The following CTNNBIP1 variants were observed in gnomAD, a reference collection of about 807,000 sequenced individuals.
CTNNBIP1 encodes beta-catenin-interacting protein 1.
Under a neutral mutation model 11.8 loss-of-function variants are expected in CTNNBIP1, and 7 were observed. The ratio of observed to expected loss-of-function variants is 0.60; its 90% CI spans 0.34 to 1.12. CTNNBIP1 has a LOEUF of 1.12. Ranked by LOEUF, CTNNBIP1 falls within the 50% of genes most tolerant of loss-of-function variation. CTNNBIP1 has a pLI of 0.03. For synonymous variants in CTNNBIP1, 58 were observed against 43.9 expected (o/e 1.32, Z -1.26); for missense variants, 101 against 113.4 (o/e 0.89, Z 0.50).
intron 2 of CTNNBIP1, among the ~76,000 whole-genome samples, chr1:9,878,909 G>A (rs751679413): frequency 1.3e-5 from 2 of 152,284 alleles, no homozygotes; most frequent in Middle Eastern, 3.4e-3. Flanking sequence ...TAAAAGGTGC[G>A]TAATTTTGCC....
chr1:9,866,845 A>AT (rs1638757422), intron 5 of CTNNBIP1, among the ~76,000 whole-genome samples: 1 of 152,062 alleles, frequency 6.6e-6, no homozygotes, highest in Non-Finnish European at 1.5e-5. Context: ...ATATGGGCTC[A>AT]GTCCAAGAGG....
At chr1:9,875,044 A>T (rs1638936683) in intron 3 of CTNNBIP1, among the ~76,000 whole-genome samples, 2 of 152,158 alleles carry the variant, frequency 1.3e-5, no homozygotes, top group South Asian at 4.1e-4. Flanking sequence ...GGACCTGGCC[A>T]CTAGGTGTCG....
At chr1:9,894,347 A>C (rs1639366088) in intron 1 of CTNNBIP1, among the ~76,000 whole-genome samples, 1 of 152,072 alleles carries the variant, frequency 6.6e-6, no homozygotes, top group African/African-American at 2.4e-5. Context: ...ACCCCAAGGA[A>C]TTCTTGTTTG....
At chr1:9,892,467 C>T (rs1313941419) in intron 1 of CTNNBIP1, among the ~76,000 whole-genome samples, 1 of 150,808 alleles carries the variant, frequency 6.6e-6, no homozygotes, top group Non-Finnish European at 1.5e-5. Context: ...GTGGCTTGCA[C>T]CTGTAGGCCC....
chr1:9,853,028 G>A (rs992989938), intron 5 of CTNNBIP1, among the ~76,000 whole-genome samples: 1 of 152,176 alleles, frequency 6.6e-6, no homozygotes, highest in Admixed American at 6.5e-5. Flanking sequence ...GGACTCTGAT[G>A]GCTATTTAAC....
chr1:9,869,010 A>T (rs1044095572), intron 5 of CTNNBIP1, among the ~76,000 whole-genome samples: 11 of 150,480 alleles, frequency 7.3e-5, no homozygotes, highest in African/African-American at 2.4e-4. Flanking sequence ...AAAATTTTTT[A>T]AATTTATGAG....
At chr1:9,897,250 C>T (rs562355927) in intron 1 of CTNNBIP1, among the ~76,000 whole-genome samples, 5 of 151,852 alleles carry the variant, frequency 3.3e-5, no homozygotes, top group East Asian at 2.0e-4. Flanking sequence ...GTCAGGAGAT[C>T]GAGACCATCC....
chr1:9,899,455 C>CAAAAAA (rs754593503), intron 1 of CTNNBIP1, among the ~76,000 whole-genome samples: 1 of 65,698 alleles, frequency 1.5e-5, no homozygotes, highest in Non-Finnish European at 3.5e-5. Flanking sequence ...GACTCCATCT[C>CAAAAAA]AAAAAAAAAA....
chr1:9,880,851 T>C (rs904199702), intron 2 of CTNNBIP1, among the ~76,000 whole-genome samples: 1 of 152,158 alleles, frequency 6.6e-6, no homozygotes, highest in South Asian at 2.1e-4. Flanking sequence ...CAGTGATTGC[T>C]CTTCTGTGCA....
intron 1 of CTNNBIP1, among the ~76,000 whole-genome samples, chr1:9,907,414 G>C (rs1315256895): frequency 6.6e-6 from 1 of 152,018 alleles, no homozygotes; most frequent in Non-Finnish European, 1.5e-5. Flanking sequence ...CAGGTGATCC[G>C]CCCGCCTTGG....
In CTNNBIP1 at chr1:9,848,895, T is replaced by C. The variant is rs559367859; in HGVS notation, c.*1823A>G. ...CACAGCACGAACCACCTACCCACCA[T>C]GGGGCTCTCCAGGGCTCGGTCATTT... On this transcript the variant is annotated 3_prime_UTR_variant, in exon 6 of 6. Coordinates refer to ENST00000377263, the MANE Select transcript of CTNNBIP1 (RefSeq NM_020248.3). The surrounding 1 kb of genome is among the most constrained non-coding windows in gnomAD (Gnocchi z 4.3). 1.3e-5 allele frequency: 2 copies of C among 152,264 alleles called. No homozygotes were observed. The highest frequency in any genetic ancestry group is 2.9e-5 in the Non-Finnish European group (2 of 68,112). 9.4% of individuals were successfully genotyped at this position (152,264 alleles called of 1,614,324 possible).
intron 5 of CTNNBIP1, among the ~76,000 whole-genome samples, chr1:9,852,744 T>C (rs1638418417): frequency 6.6e-6 from 1 of 152,202 alleles, no homozygotes; most frequent in Admixed American, 6.5e-5. Flanking sequence ...GATGCCTTAG[T>C]GGCAGTGATG....
chr1:9,861,331 C>G (rs538365057), intron 5 of CTNNBIP1, among the ~76,000 whole-genome samples: 1 of 152,304 alleles, frequency 6.6e-6, no homozygotes, highest in African/African-American at 2.4e-5. Flanking sequence ...AGGTACCACC[C>G]TGGACTGGGC....
intron 5 of CTNNBIP1, among the ~76,000 whole-genome samples, chr1:9,857,219 G>T (rs909322590): frequency 4.6e-5 from 7 of 152,124 alleles, no homozygotes; most frequent in Non-Finnish European, 7.4e-5. Flanking sequence ...GGTGGCTCAC[G>T]CCTGTAATCC....
Position 9,871,250 on chromosome 1 carries a change from G to A in CTNNBIP1, c.124C>T (p.Arg42Cys), listed in dbSNP as rs773400948. The change falls in exon 5 of 6, where the codon CGC (arginine) becomes TGC (cysteine). Residue 42 changes from arginine (R) to cysteine (C), a missense_variant. Coordinates refer to ENST00000377263, the MANE Select transcript of CTNNBIP1 (RefSeq NM_020248.3). The surrounding 1 kb of genome is among the most constrained non-coding windows in gnomAD (Gnocchi z 5.2). ...NLTASEEEFL[R>C]TYAGVVNSQL... is the part of the protein sequence containing the mutation. ...CTGTTGACCACCCCTGCATAGGTGCGCAGGAACTCCTCCTCGCTGGCTGTC... is the reference window on the plus strand; with the variant it reads ...CTGTTGACCACCCCTGCATAGGTGCACAGGAACTCCTCCTCGCTGGCTGTC... 7.0e-6 allele frequency: 11 copies of A among 1,578,338 alleles called. No homozygotes were observed. The Admixed American group carries it at 9.3e-5, about 13-fold the overall frequency.
At chr1:9,903,851 T>C (rs991791088) in intron 1 of CTNNBIP1, among the ~76,000 whole-genome samples, 2 of 152,196 alleles carry the variant, frequency 1.3e-5, no homozygotes, top group Non-Finnish European at 2.9e-5. Flanking sequence ...TTCTTCTCTA[T>C]GGTTTCTGCT....
intron 5 of CTNNBIP1, among the ~76,000 whole-genome samples, chr1:9,855,725 C>CTTT (rs528824089): frequency 1.5e-5 from 2 of 133,766 alleles, no homozygotes; most frequent in Admixed American, 7.5e-5. Flanking sequence ...TTAGGAAATG[C>CTTT]TTTTTTTTTT....
intron 5 of CTNNBIP1, among the ~76,000 whole-genome samples, chr1:9,858,823 C>G (rs1183160063): frequency 3.9e-5 from 6 of 152,146 alleles, no homozygotes; most frequent in African/African-American, 9.7e-5. Context: ...GAAACTCAGA[C>G]AGACAAAGCA....
chr1:9,857,310 C>T (rs1638527406), intron 5 of CTNNBIP1, among the ~76,000 whole-genome samples: 1 of 149,996 alleles, frequency 6.7e-6, no homozygotes, highest in East Asian at 2.0e-4. Flanking sequence ...GAAACCCTGT[C>T]TTTACTAAAA....
Sources: gnomAD v4.1 joint callset for allele counts (sites outside exome capture counted in the v4.1 genomes callset) on GRCh38, gnomAD v4.1.1 for gene constraint, Gnocchi (gnomAD v3.1) non-coding constraint, MANE v1.5 for transcripts, NCBI Gene and HGNC (gene_info 2026-07-23, HGNC 2026-07-21) for gene names.